The following ATF7IP variants were observed in gnomAD, a reference collection of about 807,000 sequenced individuals.
ATF7IP encodes activating transcription factor 7 interacting protein, also known as activating transcription factor 7-interacting protein 1.
ATF7IP carries 23 observed loss-of-function variants against 106.4 expected under a neutral mutation model. That is an observed-to-expected ratio of 0.22 (90% confidence interval 0.16 to 0.31). The LOEUF (loss-of-function observed/expected upper bound fraction) is 0.31, where lower values mean the gene tolerates loss of function less well. Ranked by LOEUF, ATF7IP falls within the 10% of genes least tolerant of loss-of-function variation. The pLI is 1.00. For synonymous variants in ATF7IP, 542 were observed against 539.0 expected (o/e 1.01, Z -0.08); for missense variants, 1,334 against 1,524.3 (o/e 0.88, Z 2.08).
intron 1 of ATF7IP, among the ~76,000 whole-genome samples, chr12:14,403,334 A>G (rs1940364423): frequency 1.3e-5 from 2 of 151,854 alleles, no homozygotes; most frequent in Admixed American, 6.6e-5. Flanking sequence ...GCAGTTTAGG[A>G]TAGAGATGTT....
chr12:14,381,264 T>C (rs7305434), intron 1 of ATF7IP, among the ~76,000 whole-genome samples: 152,103 of 152,316 alleles, frequency 1, 75,946 homozygotes, highest in Non-Finnish European at 1. Context: ...CAGAGTCTCA[T>C]TCGGTCGCCT....
chr12:14,478,982 GT>G (rs1004841775), intron 12 of ATF7IP, among the ~76,000 whole-genome samples: 1 of 152,148 alleles, frequency 6.6e-6, no homozygotes, highest in African/African-American at 2.4e-5. Context: ...GTTTCTCAAA[GT>G]TACTTGGCTG....
At chr12:14,467,666 CAG>C (rs1214024267) in intron 10 of ATF7IP, among the ~76,000 whole-genome samples, 2 of 139,116 alleles carry the variant, frequency 1.4e-5, no homozygotes, top group East Asian at 4.2e-4. Flanking sequence ...CTACTTCCCT[CAG>C]TGAGTTTTTT....
At position 14,397,006 on chromosome 12, in the gene ATF7IP, C is replaced by CA. The variant is rs564038813; in HGVS notation, c.-7-26897dup. Among the ~76,000 whole-genome samples, 12 of 151,938 alleles carry CA rather than the reference C, an allele frequency of 7.9e-5. No homozygotes were observed. In the South Asian group the frequency reaches 2.5e-3, roughly 31 times the overall value. ...TGAAACCCCGTTTCTACTAAAAATA[C>CA]AAAAAATTAGCCAGATGTGGTGGCG... is the stretch of plus-strand genomic sequence containing the variant. On this transcript the variant is annotated intron_variant, in intron 1 of 14. Coordinates refer to ENST00000261168, the MANE Select transcript of ATF7IP (RefSeq NM_018179.5).
At chr12:14,414,539 C>T (rs1005379200) in intron 1 of ATF7IP, among the ~76,000 whole-genome samples, 5 of 152,210 alleles carry the variant, frequency 3.3e-5, no homozygotes, top group Admixed American at 2.0e-4. Flanking sequence ...TCATTGTGGC[C>T]TAGAGAAGCC....
rs377536644 is a variant in ATF7IP at position 14,447,075 on chromosome 12, A to G, written c.1995+22A>G. On this transcript the variant is annotated intron_variant, in intron 6 of 14. Transcript: ENST00000261168. Reference sequence around the variant, plus strand: ...TGAAGTAAAATTTTTCTATTCTTGCATAATTAATATTTAGCACTAAGTGGT... The same window carrying G: ...TGAAGTAAAATTTTTCTATTCTTGCGTAATTAATATTTAGCACTAAGTGGT... 58 of 1,535,826 alleles carry G rather than the reference A, an allele frequency of 3.8e-5. No homozygotes were observed. In the African/African-American group the frequency reaches 7.7e-4, roughly 20 times the overall value.
intron 1 of ATF7IP, among the ~76,000 whole-genome samples, chr12:14,422,457 G>A (rs999190246): frequency 6.6e-5 from 10 of 151,814 alleles, no homozygotes; most frequent in Non-Finnish European, 1.3e-4. Context: ...GTTATTTTTA[G>A]TATATTCACA....
intron 1 of ATF7IP, among the ~76,000 whole-genome samples, chr12:14,381,705 A>C (rs563330176): frequency 6.3e-4 from 96 of 152,288 alleles, no homozygotes; most frequent in African/African-American, 2.2e-3. Flanking sequence ...AATAACTTAC[A>C]ATTAGAGCAT....
intron 1 of ATF7IP, chr12:14,394,800 G>GT (rs1338864230): frequency 6.6e-6 from 1 of 152,122 alleles, no homozygotes; most frequent in African/African-American, 2.4e-5. Context: ...TCTTTTATAG[G>GT]TTTATACCTA....
In ATF7IP at chr12:14,484,782, G is replaced by A. The variant is rs758886574; in HGVS notation, c.3280+3597G>A. 5.3e-5 allele frequency among the ~76,000 whole-genome samples: 8 copies of A among 152,258 alleles called. 1 individual carries two copies. The South Asian group carries it at 6.2e-4, about 12-fold the overall frequency. On this transcript the variant is annotated intron_variant, in intron 13 of 14. Transcript: ENST00000261168. The stretch of plus-strand genomic sequence containing the variant: ...CCTCATGTAAATTACTTGTGCCTTC[G>A]GAACCTGCTTGAGCCCAATCACGTA...
chr12:14,469,045 A>G (rs1030021019), intron 10 of ATF7IP, among the ~76,000 whole-genome samples: 1 of 152,112 alleles, frequency 6.6e-6, no homozygotes, highest in Admixed American at 6.5e-5. Flanking sequence ...TGTACTTGTT[A>G]ACACTTTAAG....
intron 5 of ATF7IP, among the ~76,000 whole-genome samples, chr12:14,442,546 A>T (rs1942760805): frequency 6.6e-6 from 1 of 152,214 alleles, no homozygotes; most frequent in Non-Finnish European, 1.5e-5. Flanking sequence ...GGCTAAATTT[A>T]TGTGGTGCAG....
At chr12:14,399,017 G>A (rs909575071) in intron 1 of ATF7IP, among the ~76,000 whole-genome samples, 21 of 151,946 alleles carry the variant, frequency 1.4e-4, no homozygotes, top group African/African-American at 4.6e-4. Context: ...TCTGCAACCT[G>A]TTAGTTAACT....
At chr12:14,450,531 A>G (rs1025166237) in intron 6 of ATF7IP, among the ~76,000 whole-genome samples, 1 of 152,162 alleles carries the variant, frequency 6.6e-6, no homozygotes, top group African/African-American at 2.4e-5. Context: ...CATGGTGTAT[A>G]ATCTTTTTAC....
chr12:14,380,233 TA>T (rs1189457742), intron 1 of ATF7IP, among the ~76,000 whole-genome samples: 27 of 152,234 alleles, frequency 1.8e-4, no homozygotes, highest in African/African-American at 6.5e-4. Context: ...GAAGTTTTCT[TA>T]TTCCTGCATA....
chr12:14,430,625 G>C (rs1276111735), intron 2 of ATF7IP, among the ~76,000 whole-genome samples: 1 of 152,004 alleles, frequency 6.6e-6, no homozygotes, highest in African/African-American at 2.4e-5. Flanking sequence ...TCTGTGAATT[G>C]CCTGTTCATC....
At chr12:14,455,613 C>T (rs901291344) in intron 6 of ATF7IP, among the ~76,000 whole-genome samples, 1 of 152,104 alleles carries the variant, frequency 6.6e-6, no homozygotes, top group East Asian at 1.9e-4. Context: ...GAGGCATGTT[C>T]TGGCTCTGTC....
At chr12:14,405,816 T>C (rs1418201375) in intron 1 of ATF7IP, among the ~76,000 whole-genome samples, 2 of 152,154 alleles carry the variant, frequency 1.3e-5, no homozygotes, top group Admixed American at 6.5e-5. Context: ...CCTGGAACTC[T>C]CTAAACTATT....
At chr12:14,439,131 G>A (rs1942570699) in intron 5 of ATF7IP, among the ~76,000 whole-genome samples, 2 of 152,166 alleles carry the variant, frequency 1.3e-5, no homozygotes, top group African/African-American at 4.8e-5. Flanking sequence ...ACACAGTAGT[G>A]TGCTGTAGTA....
Sources: allele counts gnomAD v4.1 joint callset (sites outside exome capture counted in the v4.1 genomes callset), GRCh38; gene constraint gnomAD v4.1.1; transcripts MANE v1.5; gene names NCBI Gene and HGNC (gene_info 2026-07-23, HGNC 2026-07-21).